SERPINB8: variants seen among roughly 807,000 people sequenced by gnomAD.
SERPINB8 encodes serpin family B member 8.
A neutral mutation model predicts 35.3 loss-of-function variants in SERPINB8; 25 were observed. The ratio of observed to expected loss-of-function variants is 0.71; its 90% CI spans 0.52 to 0.99. The LOEUF is 0.99. SERPINB8 is among the 50% of genes least tolerant of loss of function. The pLI, the probability that SERPINB8 is intolerant of heterozygous loss-of-function variation, is 0.00. For synonymous variants in SERPINB8, 186 were observed against 160.8 expected (o/e 1.16, Z -1.19); for missense variants, 484 against 446.5 (o/e 1.08, Z -0.76).
At chr18:63,993,745 G>C (rs1435115625), downstream of SERPINB8, among the ~76,000 whole-genome samples, 1 of 152,236 alleles carries the variant, frequency 6.6e-6, no homozygotes, top group East Asian at 1.9e-4. Flanking sequence ...TACAAGGCAG[G>C]CTGCATGGGG....
At chr18:63,979,992 A>G in intron 3 of SERPINB8, 54 bp downstream of exon 3, 1 of 1,556,886 alleles carries the variant, frequency 6.4e-7, no homozygotes, top group Non-Finnish European at 8.8e-7. Flanking sequence ...GTTAGACTAC[A>G]GAAGAGCAGA....
chr18:63,970,978 C>T (rs778756588), intron 1 of SERPINB8, among the ~76,000 whole-genome samples: 18 of 152,180 alleles, frequency 1.2e-4, no homozygotes, highest in Non-Finnish European at 7.3e-5. Flanking sequence ...CTGGCTGCTG[C>T]TTCACTCCTG....
At chr18:64,007,715 A>G (rs2050906719), downstream of SERPINB8, among the ~76,000 whole-genome samples, 1 of 152,120 alleles carries the variant, frequency 6.6e-6, no homozygotes, top group South Asian at 2.1e-4. Flanking sequence ...GAGAGGTGCT[A>G]TGCCCTTTTA....
rs72945628 is a variant in SERPINB8 at position 63,985,584 on chromosome 18, G to A, written c.720+339G>A. 6.0e-3 allele frequency among the ~76,000 whole-genome samples: 915 copies of A among 152,308 alleles called. 3 individuals are homozygous for A. Among genetic ancestry groups the A allele is most frequent in the Non-Finnish European group, 6.0e-3 (409 of 68,024 alleles). On this transcript the variant is annotated intron_variant, in intron 6 of 6. Transcript: ENST00000397985. ...AAGGGTAGGGATCAATCTTGGCAGT[G>A]ATTCTCAAACACTAATGCACATATA...
rs2050896041 is a variant in SERPINB8 at position 64,005,529 on chromosome 18, G to A, written c.*651G>A. 2.0e-5 allele frequency: 3 copies of A among 152,216 alleles called. No individual in the cohort carries two copies. The South Asian group carries it at 6.2e-4, about 32-fold the overall frequency. The allele number at this position is 152,216 out of a possible 1,614,324, so 9.4% of individuals were successfully genotyped here. ...GAGAACTACCTTGCCCCTCTGCCAT[G>A]TGAGTACACAGTGAGAAGGTGCCAT... On this transcript the variant is annotated 3_prime_UTR_variant, in exon 2 of 2. Coordinates refer to the SERPINB8 transcript ENST00000493661.
Position 63,983,633 on chromosome 18 carries a change from T to A in SERPINB8, c.479T>A (p.Val160Asp). The A allele has an allele frequency of 6.2e-7, 1 of 1,613,696 alleles. No homozygotes were observed. Among genetic ancestry groups the A allele is most frequent in the South Asian group, 1.1e-5 (1 of 91,080 alleles). ...ACAGTCGATCCCCTGACAAAGCTGG[T>A]CCTTGTGAATGCCATTTATTTCAAG... Reference protein sequence around the residue: ...AGTVDPLTKLVLVNAIYFKGK... With the variant: ...AGTVDPLTKLDLVNAIYFKGK... The change falls in exon 5 of 7, where the codon GTC becomes GAC. Residue 160 changes from valine to aspartate, a missense_variant. Transcript: ENST00000397985.
downstream of SERPINB8, among the ~76,000 whole-genome samples, chr18:64,006,710 A>G (rs1599168929): frequency 6.6e-6 from 1 of 152,354 alleles, no homozygotes; most frequent in East Asian, 1.9e-4. Flanking sequence ...TGATAGTTAC[A>G]TGGATTAAAA....
intron 1 of SERPINB8, among the ~76,000 whole-genome samples, chr18:63,998,048 A>G (rs1471516430): frequency 6.6e-6 from 1 of 152,084 alleles, no homozygotes. Flanking sequence ...ATTATCTTCA[A>G]AAGATGCCAA....
At chr18:64,006,434 C>A (rs2050900285), downstream of SERPINB8, among the ~76,000 whole-genome samples, 1 of 152,062 alleles carries the variant, frequency 6.6e-6, no homozygotes, top group African/African-American at 2.4e-5. Flanking sequence ...GGATTAATGC[C>A]CTTAAAAGAA....
intron 7 of SERPINB8, among the ~76,000 whole-genome samples, chr18:64,016,546 G>A (rs1485267177): frequency 6.6e-6 from 1 of 152,156 alleles, no homozygotes; most frequent in Non-Finnish European, 1.5e-5. Flanking sequence ...TGATTAAAAA[G>A]CGGTTTATGG....
chr18:64,010,244 A>G (rs1044248891), downstream of SERPINB8, among the ~76,000 whole-genome samples: 1 of 152,198 alleles, frequency 6.6e-6, no homozygotes, highest in Admixed American at 6.5e-5. Flanking sequence ...CGGACTCTAA[A>G]TTTTAAAAGT....
chr18:63,991,761 C>T (rs1047155180), downstream of SERPINB8, among the ~76,000 whole-genome samples: 25 of 151,976 alleles, frequency 1.6e-4, no homozygotes, highest in African/African-American at 5.6e-4. Flanking sequence ...GGGGAAAGCA[C>T]GAAGGCTCCC....
chr18:63,979,669 C>T, intron 2 of SERPINB8, 132 bp from the exon 3 acceptor site: 1 of 1,064,316 alleles, frequency 9.4e-7, no homozygotes, highest in South Asian at 1.5e-5. Flanking sequence ...AAACCCTGTG[C>T]TAGACAATTA....
downstream of SERPINB8, among the ~76,000 whole-genome samples, chr18:64,006,143 G>A (rs2050899037): frequency 6.6e-6 from 1 of 152,126 alleles, no homozygotes; most frequent in Non-Finnish European, 1.5e-5. Context: ...TGATAAAATG[G>A]CCATGTGGTT....
intron 1 of SERPINB8, chr18:64,004,753 G>A (rs2050892076): frequency 5.0e-6 from 2 of 398,180 alleles, no homozygotes; most frequent in East Asian, 3.6e-5. Context: ...TTAAAGGAAT[G>A]CTTCTGTTGT....
chr18:63,981,608 G>T, intron 3 of SERPINB8, 113 bp from the exon 4 acceptor site: 2 of 728,826 alleles, frequency 2.7e-6, no homozygotes, highest in Non-Finnish European at 2.4e-6. Context: ...TTGAAGTGGA[G>T]TGTGACCTGT....
rs569525020 is a variant in SERPINB8 at position 64,014,158 on chromosome 18, G to T, written c.*3-4752G>T. Among the ~76,000 whole-genome samples the T allele has an allele frequency of 8.5e-5, 13 of 152,330 alleles. No homozygotes were observed. The East Asian group carries it at 2.3e-3, about 27-fold the overall frequency. ...TGGCAAGAGATGAGGGATATTAATTGAAAGTAGTGGAGTAGTGTATGCAGA... is the reference window on the plus strand; with the variant it reads ...TGGCAAGAGATGAGGGATATTAATTTAAAGTAGTGGAGTAGTGTATGCAGA... On this transcript the variant is annotated intron_variant, in intron 7 of 7. Coordinates refer to the SERPINB8 transcript ENST00000636430.
At chr18:63,985,725 G>A (rs566896686) in intron 6 of SERPINB8, among the ~76,000 whole-genome samples, 18 of 152,250 alleles carry the variant, frequency 1.2e-4, no homozygotes, top group African/African-American at 4.1e-4. Flanking sequence ...ACTATGAATA[G>A]CAAAAGTCTA....
chr18:63,991,450 T>G (rs187023882), downstream of SERPINB8, among the ~76,000 whole-genome samples: 1 of 152,130 alleles, frequency 6.6e-6, no homozygotes, highest in East Asian at 1.9e-4. Context: ...GATTTATCCT[T>G]AAGTATATTC....
Sources: allele counts gnomAD v4.1 joint callset (sites outside exome capture counted in the v4.1 genomes callset), GRCh38; gene constraint gnomAD v4.1.1; transcripts MANE v1.5; gene names NCBI Gene and HGNC (gene_info 2026-07-23, HGNC 2026-07-21).